COL4A6: variants seen among roughly 807,000 people sequenced by gnomAD.
The protein encoded by COL4A6 is collagen alpha-6(IV) chain.
Under a neutral mutation model 126.7 loss-of-function variants are expected in COL4A6, and 59 were observed. The ratio of observed to expected loss-of-function variants is 0.47; its 90% CI spans 0.38 to 0.58. The LOEUF (loss-of-function observed/expected upper bound fraction) is 0.58, where lower values mean the gene tolerates loss of function less well. Among genes scored for constraint, COL4A6 ranks in the 20% least tolerant of loss-of-function variants. The pLI is 0.00. For synonymous variants in COL4A6, 547 were observed against 496.6 expected, an observed-to-expected ratio of 1.10 and a Z score of -1.35; for missense variants, 1,285 against 1,337.3, an observed-to-expected ratio of 0.96 and a Z score of 0.61.
At chrX:108,195,653 G>A (rs1033802114) in intron 14 of COL4A6, among the ~76,000 whole-genome samples, 1 of 112,020 alleles carries the variant, frequency 8.9e-6, no homozygotes, top group Non-Finnish European at 1.9e-5. Context: ...AATGGAAACA[G>A]TTTAAGTAGT....
intron 2 of COL4A6, among the ~76,000 whole-genome samples, chrX:108,332,352 T>C (rs1265716569): frequency 8.9e-6 from 1 of 112,002 alleles, no homozygotes; most frequent in African/African-American, 3.2e-5. Context: ...CTTTTCCTTT[T>C]GGTAGATACC....
chrX:108,241,233 C>T (rs1029421511), intron 3 of COL4A6, among the ~76,000 whole-genome samples: 5 of 110,401 alleles, frequency 4.5e-5, no homozygotes, highest in African/African-American at 1.6e-4. Context: ...CTAACTCAGG[C>T]CTGTGCTAAG....
intron 2 of COL4A6, among the ~76,000 whole-genome samples, chrX:108,351,589 T>C (rs192419583): frequency 1.4e-3 from 151 of 109,475 alleles, no homozygotes; most frequent in African/African-American, 5.0e-3. Flanking sequence ...ACTAAGGCAC[T>C]TGGCTGCATG....
rs776518182 is a variant in COL4A6, at chrX:108,188,077, T to A, written c.1588-50A>T. 2.8e-6 allele frequency: 3 copies of A among 1,061,092 alleles called. No individual in the cohort carries two copies. In the South Asian group the frequency reaches 6.8e-5, roughly 24 times the overall value. 87.4% of individuals were successfully genotyped at this position (1,061,092 alleles called of 1,213,427 possible). On this transcript the variant is annotated intron_variant, in intron 21 of 44. Coordinates refer to ENST00000334504, the MANE Select transcript of COL4A6 (RefSeq NM_033641.4). Reference sequence around the variant, plus strand: ...GAGTAGTCAGAAGATGTAGACTTCATAGAATTCCGGCACCTAGCATTATGA... The same window carrying A: ...GAGTAGTCAGAAGATGTAGACTTCAAAGAATTCCGGCACCTAGCATTATGA...
At chrX:108,216,636 A>G (rs2035863430) in intron 5 of COL4A6, among the ~76,000 whole-genome samples, 2 of 112,590 alleles carry the variant, frequency 1.8e-5, no homozygotes, top group African/African-American at 6.5e-5. Flanking sequence ...ATGATTTTAC[A>G]TATGTGTGTG....
At position 108,277,199 on chromosome X, in the gene COL4A6, G is replaced by A. The variant is rs762366145; in HGVS notation, c.144+33549C>T. Among the ~76,000 whole-genome samples, 17 of 111,928 alleles carry A rather than the reference G, an allele frequency of 1.5e-4. No individual in the cohort carries two copies. The South Asian group carries it at 5.2e-3, about 35-fold the overall frequency. On this transcript the variant is annotated intron_variant, in intron 3 of 44. Transcript: ENST00000334504. ...AGCAGGGCGAGGCATTGCCTCACTC[G>A]GGAAGCGTAAGGGGTCAGGGAGTTC...
chrX:108,389,556 T>C (rs2148165178), intron 2 of COL4A6, among the ~76,000 whole-genome samples: 1 of 107,639 alleles, frequency 9.3e-6, no homozygotes, highest in South Asian at 4.0e-4. Flanking sequence ...TTTGTTTTTG[T>C]TTTTTTTTGC....
chrX:108,175,853 A>T (rs766624859), intron 28 of COL4A6, 56 bp from the exon 29 acceptor site: 23 of 1,015,841 alleles, frequency 2.3e-5, no homozygotes, highest in Non-Finnish European at 3.1e-5. Context: ...CAGGAAATGG[A>T]GGCTCAGGGA....
At chrX:108,403,980 G>A (rs1021991060) in intron 2 of COL4A6, among the ~76,000 whole-genome samples, 6 of 111,337 alleles carry the variant, frequency 5.4e-5, no homozygotes, top group African/African-American at 2.0e-4. Flanking sequence ...TTAATAAGGG[G>A]GTCTTAGATT....
Position 108,374,496 on chromosome X carries a change from A to T in COL4A6, c.63+63446T>A, listed in dbSNP as rs185273995. Among the ~76,000 whole-genome samples the T allele has an allele frequency of 2.6e-3, 287 of 112,198 alleles. 1 individual carries two copies. The highest frequency in any genetic ancestry group is 4.8e-3 in the Non-Finnish European group (253 of 53,228). On this transcript the variant is annotated intron_variant, in intron 2 of 44. Coordinates refer to ENST00000334504, the MANE Select transcript of COL4A6 (RefSeq NM_033641.4). ...TGAACCTAAAATACAGGTTTGGCTG[A>T]CATTTTAGTATTCAAAGGTAATTTA...
At chrX:108,430,777 T>C (rs1426720405) in intron 2 of COL4A6, among the ~76,000 whole-genome samples, 1 of 111,802 alleles carries the variant, frequency 8.9e-6, no homozygotes, top group Non-Finnish European at 1.9e-5. Context: ...TCACAGCTGG[T>C]TGGAGTGTCA....
At chrX:108,436,710 A>G (rs2064274329) in intron 2 of COL4A6, among the ~76,000 whole-genome samples, 1 of 112,058 alleles carries the variant, frequency 8.9e-6, no homozygotes, top group African/African-American at 3.2e-5. Flanking sequence ...ATTTACTTAC[A>G]TAGGAACTGA....
intron 2 of COL4A6, among the ~76,000 whole-genome samples, chrX:108,315,148 T>C (rs1200274089): frequency 8.9e-6 from 1 of 112,454 alleles, no homozygotes; most frequent in East Asian, 2.8e-4. Context: ...TTATTGTTAC[T>C]GAATAAAAAT....
At chrX:108,162,751 A>T (rs1190130982) in intron 41 of COL4A6, 141 bp downstream of exon 41, 2 of 686,878 alleles carry the variant, frequency 2.9e-6, no homozygotes, top group Non-Finnish European at 4.2e-6. Flanking sequence ...CTTCTCCCCA[A>T]CAGGAAGCTT....
At chrX:108,239,434 G>A (rs1602896824) in intron 3 of COL4A6, among the ~76,000 whole-genome samples, 1 of 111,427 alleles carries the variant, frequency 9.0e-6, no homozygotes, top group Non-Finnish European at 1.9e-5. Context: ...TCAGGTAATC[G>A]AACCAAGAGG....
At chrX:108,433,963 T>C (rs2064218319) in intron 2 of COL4A6, among the ~76,000 whole-genome samples, 1 of 112,107 alleles carries the variant, frequency 8.9e-6, no homozygotes, top group Admixed American at 9.4e-5. Flanking sequence ...ATAATCCATA[T>C]AATTCAGGCA....
chrX:108,192,209 G>A (rs1371208981), intron 18 of COL4A6, among the ~76,000 whole-genome samples: 1 of 111,931 alleles, frequency 8.9e-6, no homozygotes, highest in African/African-American at 3.2e-5. Context: ...TCCTCTTGTT[G>A]CTGCAAACCT....
At chrX:108,158,681 C>T (rs1482119537) in intron 44 of COL4A6, among the ~76,000 whole-genome samples, 1 of 111,821 alleles carries the variant, frequency 8.9e-6, no homozygotes, top group African/African-American at 3.3e-5. Flanking sequence ...TGTTGGGGAG[C>T]CTGCAGCTTT....
intron 3 of COL4A6, among the ~76,000 whole-genome samples, chrX:108,304,375 G>A (rs1010509058): frequency 2.7e-5 from 3 of 111,454 alleles, no homozygotes; most frequent in Non-Finnish European, 3.8e-5. Context: ...ATCCTGAACC[G>A]AAAGAACCAT....
Sources: allele counts gnomAD v4.1 joint callset (sites outside exome capture counted in the v4.1 genomes callset), GRCh38; gene constraint gnomAD v4.1.1; transcripts MANE v1.5; gene names NCBI Gene and HGNC (gene_info 2026-07-23, HGNC 2026-07-21).